Variants in TNR observed in about 807,000 individuals in gnomAD.
TNR encodes tenascin-R.
Under a neutral mutation model 150.4 loss-of-function variants are expected in TNR, and 45 were observed. The ratio of observed to expected loss-of-function variants is 0.30; its 90% CI spans 0.24 to 0.38. The LOEUF is 0.38. Among genes scored for constraint, TNR ranks in the 10% least tolerant of loss-of-function variants. The probability of loss-of-function intolerance (pLI) is 1.00; values close to 1 mark genes in which losing one functional copy is unlikely to be tolerated. For missense variants in TNR, 1,544 were observed against 1,759.1 expected, an observed-to-expected ratio of 0.88 and a Z score of 2.19; for synonymous variants, 687 against 678.4, an observed-to-expected ratio of 1.01 and a Z score of -0.20.
At chr1:175,487,851 T>C (rs1051067337) in intron 2 of TNR, among the ~76,000 whole-genome samples, 4 of 152,214 alleles carry the variant, frequency 2.6e-5, no homozygotes, top group African/African-American at 9.7e-5. Flanking sequence ...TTCTTAATCT[T>C]ATTTCTCCTG....
chr1:175,652,871 A>T (rs1046578048), intron 1 of TNR, among the ~76,000 whole-genome samples: 9 of 152,240 alleles, frequency 5.9e-5, no homozygotes, highest in African/African-American at 1.7e-4. Context: ...AGTGAGAAAA[A>T]GCTGTGAGTA....
chr1:175,573,064 A>G (rs951578629), intron 1 of TNR, among the ~76,000 whole-genome samples: 12 of 152,130 alleles, frequency 7.9e-5, no homozygotes, highest in Non-Finnish European at 1.5e-4. Flanking sequence ...TCTTGTTTGC[A>G]TTTGTTGGCA....
intron 2 of TNR, among the ~76,000 whole-genome samples, chr1:175,517,664 T>G (rs1557982001): frequency 1.3e-5 from 2 of 152,138 alleles, no homozygotes; most frequent in East Asian, 3.9e-4. Flanking sequence ...TCCTATTGGT[T>G]TTGGTTTTAG....
At chr1:175,368,807 G>A (rs537664704) in intron 9 of TNR, among the ~76,000 whole-genome samples, 7 of 152,238 alleles carry the variant, frequency 4.6e-5, no homozygotes, top group African/African-American at 1.4e-4. Flanking sequence ...CAATTAGCCG[G>A]GTGTGGTGGT....
intron 18 of TNR, among the ~76,000 whole-genome samples, chr1:175,339,777 A>G (rs987457000): frequency 6.6e-6 from 1 of 152,152 alleles, no homozygotes; most frequent in Non-Finnish European, 1.5e-5. Context: ...CCAATATCCA[A>G]TGTATCCCCA....
At chr1:175,548,716 C>T (rs757357128) in intron 1 of TNR, among the ~76,000 whole-genome samples, 5 of 151,488 alleles carry the variant, frequency 3.3e-5, no homozygotes, top group East Asian at 3.9e-4. Context: ...GGGGAGCACC[C>T]GACAGTGAAG....
intron 20 of TNR, among the ~76,000 whole-genome samples, chr1:175,331,050 T>TTTCCTTCCTTCCTTCC (rs1649781734): frequency 2.1e-5 from 2 of 95,762 alleles, no homozygotes; most frequent in African/African-American, 8.3e-5. Flanking sequence ...TCTTTCTTTC[T>TTTCCTTCCTTCCTTCC]TTCTTTCTTT....
At chr1:175,544,095 T>C (rs1660599080) in intron 1 of TNR, among the ~76,000 whole-genome samples, 1 of 152,208 alleles carries the variant, frequency 6.6e-6, no homozygotes, top group Admixed American at 6.5e-5. Flanking sequence ...AAACCTTGAA[T>C]GCCACACCAG....
At chr1:175,441,655 G>T (rs1159291676) in intron 2 of TNR, among the ~76,000 whole-genome samples, 2 of 152,200 alleles carry the variant, frequency 1.3e-5, no homozygotes, top group East Asian at 3.9e-4. Context: ...GTTGTGGGTG[G>T]GGGGTCTAGG....
chr1:175,365,807 T>G, intron 11 of TNR, 68 bp downstream of exon 11: 2 of 1,558,622 alleles, frequency 1.3e-6, no homozygotes, highest in Non-Finnish European at 8.7e-7. Context: ...GTGACTTGCC[T>G]GAATGAATTT....
At chr1:175,552,414 C>T (rs2102200910) in intron 1 of TNR, among the ~76,000 whole-genome samples, 1 of 152,316 alleles carries the variant, frequency 6.6e-6, no homozygotes, top group South Asian at 2.1e-4. Context: ...ATGTCTTCTA[C>T]CCATATGGTG....
chr1:175,437,853 C>G (rs925204269), intron 2 of TNR, among the ~76,000 whole-genome samples: 3 of 152,098 alleles, frequency 2.0e-5, no homozygotes, highest in Admixed American at 6.6e-5. Context: ...CCAAATAGAC[C>G]AATAACAGGC....
chr1:175,642,496 A>G (rs1303042553), intron 1 of TNR, among the ~76,000 whole-genome samples: 1 of 152,192 alleles, frequency 6.6e-6, no homozygotes, highest in Non-Finnish European at 1.5e-5. Context: ...TTGAGGAGTG[A>G]CATGGTCATA....
chr1:175,481,765 AG>A (rs1657817995), intron 2 of TNR, among the ~76,000 whole-genome samples: 1 of 152,206 alleles, frequency 6.6e-6, no homozygotes, highest in Admixed American at 6.5e-5. Flanking sequence ...GTCATCCTCA[AG>A]GTCCAGCCTT....
intron 1 of TNR, among the ~76,000 whole-genome samples, chr1:175,697,705 A>T (rs1341619534): frequency 6.6e-6 from 1 of 152,196 alleles, no homozygotes; most frequent in Non-Finnish European, 1.5e-5. Context: ...GCTGATATTC[A>T]GCCTCAGTTC....
Position 175,320,604 on chromosome 1 carries a change from G to C in TNR, c.*2753C>G, listed in dbSNP as rs571907117. On this transcript the variant is annotated 3_prime_UTR_variant, in exon 23 of 23. Transcript: ENST00000367674. ...CCATTTCAACTTCCTTGATGAAGTG[G>C]GCGTGCTGGCACCACCCAGGTACCT... 29 of 152,066 alleles carry C rather than the reference G, an allele frequency of 1.9e-4. No homozygotes were observed. Among genetic ancestry groups the C allele is most frequent in the African/African-American group, 6.8e-4 (28 of 41,478 alleles). The allele number at this position is 152,066 out of a possible 1,614,324, so 9.4% of individuals were successfully genotyped here.
At chr1:175,470,339 G>A (rs1366612977) in intron 2 of TNR, among the ~76,000 whole-genome samples, 1 of 152,136 alleles carries the variant, frequency 6.6e-6, no homozygotes, top group African/African-American at 2.4e-5. Flanking sequence ...AAGGGCCGCA[G>A]GGGAAGACAA....
At chr1:175,370,504 G>A (rs1201167105) in intron 9 of TNR, among the ~76,000 whole-genome samples, 1 of 152,016 alleles carries the variant, frequency 6.6e-6, no homozygotes, top group Non-Finnish European at 1.5e-5. Context: ...GATTCAGGGA[G>A]TCCAGGTGGC....
intron 2 of TNR, among the ~76,000 whole-genome samples, chr1:175,473,127 GCAGA>G (rs1184704786): frequency 5.3e-5 from 8 of 152,160 alleles, no homozygotes; most frequent in African/African-American, 1.9e-4. Context: ...TTATATTTCA[GCAGA>G]CAAAGATCCT....
Sources: gnomAD v4.1 joint callset for allele counts (sites outside exome capture counted in the v4.1 genomes callset) on GRCh38, gnomAD v4.1.1 for gene constraint, MANE v1.5 for transcripts, NCBI Gene and HGNC (gene_info 2026-07-23, HGNC 2026-07-21) for gene names.